Variants in PCDHA5 observed in about 807,000 individuals in gnomAD.
The protein encoded by PCDHA5 is protocadherin alpha 5.
Under a neutral mutation model 61.6 loss-of-function variants are expected in PCDHA5, and 43 were observed. That is an observed-to-expected ratio of 0.70 (90% CI 0.55 to 0.90). The LOEUF is 0.90. PCDHA5 is among the 40% of genes least tolerant of loss of function. The pLI, the probability that PCDHA5 is intolerant of heterozygous loss-of-function variation, is 0.00. For missense variants in PCDHA5, 1,298 were observed against 1,222.7 expected, an observed-to-expected ratio of 1.06 and a Z score of -0.92; for synonymous variants, 627 against 543.9, an observed-to-expected ratio of 1.15 and a Z score of -2.13.
intron 1 of PCDHA5, chr5:140,864,334 G>T (rs1303822617): frequency 6.6e-6 from 1 of 152,076 alleles, no homozygotes; most frequent in Non-Finnish European, 1.5e-5. Flanking sequence ...AATTATTTGA[G>T]TTTAAAACAT....
intron 1 of PCDHA5, chr5:140,967,908 A>T (rs554849478): frequency 6.2e-7 from 1 of 1,614,138 alleles, no homozygotes; most frequent in Non-Finnish European, 8.5e-7. Context: ...GCTACACCCA[A>T]CACCATTGTG....
At chr5:140,868,974 C>G in intron 1 of PCDHA5, 1 of 1,471,886 alleles carries the variant, frequency 6.8e-7, no homozygotes, top group Non-Finnish European at 9.1e-7. Flanking sequence ...GGAACTCCAT[C>G]ATACCGGATG....
intron 1 of PCDHA5, chr5:140,926,928 G>GT: frequency 1.3e-6 from 2 of 1,574,878 alleles, no homozygotes; most frequent in South Asian, 2.4e-5. Context: ...TATGTTTGTG[G>GT]GTTTCCTGCG....
rs1197657289 is a variant in PCDHA5 at position 140,900,491 on chromosome 5, G to A, written c.2352+76364G>A. Among the ~76,000 whole-genome samples the A allele has an allele frequency of 2.6e-5, 4 of 152,160 alleles. No homozygotes were observed. The East Asian group carries it at 7.7e-4, about 29-fold the overall frequency. On this transcript the variant is annotated intron_variant, in intron 1 of 3. Transcript: ENST00000529859. ...GGAGTTTCTCCATGTTGGTCAGACT[G>A]GTCTCAAATTCCCAGCCTCAGGTGA...
At chr5:140,877,810 C>A (rs782370638) in intron 1 of PCDHA5, 9 of 1,610,248 alleles carry the variant, frequency 5.6e-6, no homozygotes, top group Non-Finnish European at 6.8e-6. Flanking sequence ...TCAGCTGTCT[C>A]GAGAAGATTG....
intron 1 of PCDHA5, chr5:140,834,503 A>C: frequency 1.2e-6 from 2 of 1,614,128 alleles, no homozygotes; most frequent in Non-Finnish European, 1.7e-6. Context: ...AGGAGGCTAA[A>C]CATGGCAACT....
At chr5:140,842,868 A>T in intron 1 of PCDHA5, 1 of 1,593,968 alleles carries the variant, frequency 6.3e-7, no homozygotes, top group Non-Finnish European at 8.6e-7. Flanking sequence ...GAGAGCGGCA[A>T]GGTGTACGCG....
chr5:140,928,014 G>A (rs1554205371), intron 1 of PCDHA5: 1 of 1,614,150 alleles, frequency 6.2e-7, no homozygotes, highest in Non-Finnish European at 8.5e-7. Flanking sequence ...CTAATGGTAG[G>A]GTCATTTGTG....
At chr5:140,985,227 G>A (rs557750656) in intron 3 of PCDHA5, among the ~76,000 whole-genome samples, 5 of 152,206 alleles carry the variant, frequency 3.3e-5, no homozygotes, top group Non-Finnish European at 2.9e-5. Flanking sequence ...GTGAGCCACC[G>A]CGCCTGGCCT....
chr5:140,999,600 TG>T (rs1213821435), intron 3 of PCDHA5, among the ~76,000 whole-genome samples: 3 of 152,150 alleles, frequency 2.0e-5, no homozygotes. Context: ...CCCTACATCC[TG>T]GGGGACCTTA....
chr5:140,848,406 G>C, intron 1 of PCDHA5: 2 of 1,338,990 alleles, frequency 1.5e-6, no homozygotes, highest in Admixed American at 4.3e-5. Context: ...GAACGATGGC[G>C]AACACAGCAG....
chr5:141,004,045 G>T (rs1588047334), intron 3 of PCDHA5, among the ~76,000 whole-genome samples: 1 of 152,222 alleles, frequency 6.6e-6, no homozygotes, highest in East Asian at 1.9e-4. Flanking sequence ...TTGATCATTT[G>T]CTGATACTGG....
At position 140,967,456 on chromosome 5, in the gene PCDHA5, G is replaced by A. The variant is rs781877104; in HGVS notation, c.2353-11493G>A. On this transcript the variant is annotated intron_variant, in intron 1 of 3. Transcript: ENST00000529859. The stretch of plus-strand genomic sequence containing the variant: ...TGCACCACCTGGTTCTCACAGCCGT[G>A]GATGGGGGCATCCCAGCCCGCTCGG... 4.3e-6 allele frequency: 7 copies of A among 1,613,480 alleles called. No homozygotes were observed. The South Asian group carries it at 6.6e-5, about 15-fold the overall frequency.
At chr5:140,975,313 T>C (rs2096662091) in intron 1 of PCDHA5, among the ~76,000 whole-genome samples, 1 of 152,224 alleles carries the variant, frequency 6.6e-6, no homozygotes, top group African/African-American at 2.4e-5. Flanking sequence ...TGTGATTATG[T>C]CAGTCCCATC....
intron 1 of PCDHA5, chr5:140,862,425 A>T: frequency 2.8e-6 from 1 of 353,460 alleles, no homozygotes; most frequent in Non-Finnish European, 5.6e-6. Context: ...GCTGCCCAGA[A>T]ACTATTCGTT....
rs1298083559 is a variant in PCDHA5, at chr5:140,858,734, T to C, written c.2352+34607T>C. ...ATAGGTTGCAGTTCTGACGATTTAC[T>C]TTCATAATCACTTTTCGTTACAAAT... On this transcript the variant is annotated intron_variant, in intron 1 of 3. Coordinates refer to ENST00000529859, the MANE Select transcript of PCDHA5 (RefSeq NM_018908.3). The C allele has an allele frequency of 1.7e-5, 8 of 476,746 alleles. 1 individual carries two copies. Among genetic ancestry groups the C allele is most frequent in the East Asian group, 3.2e-5 (1 of 30,834 alleles). 29.5% of individuals were successfully genotyped at this position (476,746 alleles called of 1,614,324 possible).
intron 1 of PCDHA5, among the ~76,000 whole-genome samples, chr5:140,950,208 C>G (rs1377059178): frequency 1.3e-5 from 2 of 151,900 alleles, no homozygotes; most frequent in Non-Finnish European, 2.9e-5. Context: ...TTCTGTTTAC[C>G]TAGTCATTTA....
chr5:140,929,589 G>T lies in PCDHA5; in HGVS notation c.2353-49360G>T, dbSNP rs183312863. 667 of 427,178 alleles carry T rather than the reference G, an allele frequency of 1.6e-3. 2 individuals are homozygous for T. The highest frequency in any genetic ancestry group is 3.3e-3 in the Admixed American group (76 of 23,230). The allele number at this position is 427,178 out of a possible 1,614,324, so 26.5% of individuals were successfully genotyped here. A position where few individuals can be genotyped will look rare whatever the true frequency, so the allele number is the denominator to read the frequency against. On this transcript the variant is annotated intron_variant, in intron 1 of 3. Coordinates refer to ENST00000529859, the MANE Select transcript of PCDHA5 (RefSeq NM_018908.3). ...AACAATAAAAGTAATATGACATAAA[G>T]GTCTAAAATTAAAAATAAAATACCA...
intron 1 of PCDHA5, among the ~76,000 whole-genome samples, chr5:140,904,645 T>A (rs1554191647): frequency 6.6e-6 from 1 of 152,128 alleles, no homozygotes; most frequent in Non-Finnish European, 1.5e-5. Context: ...CTCCACACTG[T>A]TTTCCATAGT....
Sources: gnomAD v4.1 joint callset for allele counts (sites outside exome capture counted in the v4.1 genomes callset) on GRCh38, gnomAD v4.1.1 for gene constraint, MANE v1.5 for transcripts, NCBI Gene and HGNC (gene_info 2026-07-23, HGNC 2026-07-21) for gene names.